AKAP19: variants seen among roughly 807,000 people sequenced by gnomAD.
The protein encoded by AKAP19 is A-kinase anchoring protein 19.
chr2:190,085,573 G>T, the AKAP19 span, among the ~76,000 whole-genome samples: 2 of 152,184 alleles, frequency 1.3e-5, no homozygotes, highest in African/African-American at 2.4e-5. Flanking sequence ...CTGATTATAA[G>T]ATCACAACGT....
chr2:190,038,014 T>C, the AKAP19 span, among the ~76,000 whole-genome samples: 2 of 152,326 alleles, frequency 1.3e-5, no homozygotes, highest in South Asian at 4.1e-4. Flanking sequence ...AGAGAAGCTT[T>C]GGCATTGCAG....
the AKAP19 span, among the ~76,000 whole-genome samples, chr2:190,156,090 C>A: frequency 1.3e-5 from 2 of 151,838 alleles, no homozygotes; most frequent in South Asian, 4.2e-4. Flanking sequence ...CATATCGTGA[C>A]CTCCTTATAG....
the AKAP19 span, among the ~76,000 whole-genome samples, chr2:189,897,707 G>A: frequency 6.6e-6 from 1 of 152,176 alleles, no homozygotes; most frequent in African/African-American, 2.4e-5. Context: ...ATCTACTTAG[G>A]TTGGTTAAGT....
At chr2:190,111,920 T>C in the AKAP19 span, among the ~76,000 whole-genome samples, 22 of 152,164 alleles carry the variant, frequency 1.4e-4, no homozygotes, top group African/African-American at 5.3e-4. Flanking sequence ...GTCTTTGAGA[T>C]GGAGTCTCGC....
the AKAP19 span, among the ~76,000 whole-genome samples, chr2:190,127,205 A>T: frequency 8.5e-5 from 13 of 152,096 alleles, 1 homozygote; most frequent in East Asian, 5.8e-4. Context: ...AAAAAAAAAA[A>T]AATAAGACAT....
At chr2:190,165,373 G>A in the AKAP19 span, among the ~76,000 whole-genome samples, 5 of 152,098 alleles carry the variant, frequency 3.3e-5, no homozygotes, top group African/African-American at 1.2e-4. Context: ...GAAGGCAGAG[G>A]TTGCAGTGAG....
the AKAP19 span, among the ~76,000 whole-genome samples, chr2:190,010,519 A>C: frequency 0.053 from 8,136 of 152,262 alleles, 751 homozygotes; most frequent in African/African-American, 0.19. Context: ...TCAGAGCTTT[A>C]TAGTCATAAA....
At chr2:189,921,045 T>C in the AKAP19 span, among the ~76,000 whole-genome samples, 2 of 152,218 alleles carry the variant, frequency 1.3e-5, no homozygotes, top group Non-Finnish European at 2.9e-5. Context: ...TTTGTGGAAT[T>C]ATACCTTTAT....
chr2:190,022,127 T>C, the AKAP19 span, among the ~76,000 whole-genome samples: 2 of 152,072 alleles, frequency 1.3e-5, no homozygotes, highest in Non-Finnish European at 2.9e-5. Flanking sequence ...GAAGGCAGGG[T>C]CATCATGACC....
chr2:189,912,654 T>C, the AKAP19 span, among the ~76,000 whole-genome samples: 1 of 152,228 alleles, frequency 6.6e-6, no homozygotes, highest in African/African-American at 2.4e-5. Context: ...TATCATGTGA[T>C]TTATTATTGT....
chr2:189,983,686 G>C, the AKAP19 span, among the ~76,000 whole-genome samples: 1 of 152,216 alleles, frequency 6.6e-6, no homozygotes, highest in Non-Finnish European at 1.5e-5. Context: ...CTGAGGGTTA[G>C]ATCTCACAGG....
chr2:190,099,086 G>A, the AKAP19 span, among the ~76,000 whole-genome samples: 1,973 of 152,272 alleles, frequency 0.013, 21 homozygotes, highest in Admixed American at 0.021. Context: ...CAAAAAGGCT[G>A]TTTTGCTTTT....
At chr2:190,154,845 A>C in the AKAP19 span, among the ~76,000 whole-genome samples, 1 of 152,224 alleles carries the variant, frequency 6.6e-6, no homozygotes, top group Non-Finnish European at 1.5e-5. Context: ...GAACAGACCT[A>C]CTGCAGGCTG....
At chr2:190,114,487 G>C in the AKAP19 span, among the ~76,000 whole-genome samples, 5 of 152,116 alleles carry the variant, frequency 3.3e-5, no homozygotes, top group Non-Finnish European at 7.4e-5. Flanking sequence ...ACGGAGTCTC[G>C]CTCTGTTGCC....
the AKAP19 span, chr2:190,203,414 T>C: frequency 1.8e-5 from 3 of 166,986 alleles, no homozygotes; most frequent in Non-Finnish European, 2.9e-5. Context: ...TGAAGTGGTA[T>C]ATTTTTTCCA....
At chr2:189,974,719 C>G in the AKAP19 span, among the ~76,000 whole-genome samples, 1 of 152,186 alleles carries the variant, frequency 6.6e-6, no homozygotes, top group Non-Finnish European at 1.5e-5. Flanking sequence ...GCATTGATCT[C>G]TTTACCATTA....
chr2:190,025,540 C>T, the AKAP19 span, among the ~76,000 whole-genome samples: 2 of 152,170 alleles, frequency 1.3e-5, no homozygotes, highest in African/African-American at 2.4e-5. Flanking sequence ...TAAAAAAGCA[C>T]CTCATGCCAT....
At chr2:190,086,142 C>T in the AKAP19 span, among the ~76,000 whole-genome samples, 16 of 152,186 alleles carry the variant, frequency 1.1e-4, no homozygotes, top group Admixed American at 9.2e-4. Flanking sequence ...AGTATAAGCA[C>T]ATTGCGGATG....
At chr2:190,199,908 T>G in the AKAP19 span, 3 of 1,614,026 alleles carry the variant, frequency 1.9e-6, no homozygotes, top group East Asian at 6.7e-5. Flanking sequence ...CTACCATATA[T>G]GAAGGTGAGA....
Sources: allele counts gnomAD v4.1 joint callset (sites outside exome capture counted in the v4.1 genomes callset), GRCh38; gene constraint gnomAD v4.1.1; transcripts MANE v1.5; gene names NCBI Gene and HGNC (gene_info 2026-07-23, HGNC 2026-07-21).